Variants in FRMD6 observed in about 807,000 individuals in gnomAD.
FRMD6 encodes FERM domain-containing protein 6.
FRMD6 carries 37 observed loss-of-function variants against 73.2 expected under a neutral mutation model. The ratio of observed to expected loss-of-function variants is 0.51; its 90% CI spans 0.39 to 0.66. The LOEUF is 0.66. FRMD6 is among the 30% of genes least tolerant of loss of function. The pLI, the probability that FRMD6 is intolerant of heterozygous loss-of-function variation, is 0.00. For synonymous variants in FRMD6, 273 were observed against 282.2 expected, an observed-to-expected ratio of 0.97 and a Z score of 0.33; for missense variants, 714 against 780.5, an observed-to-expected ratio of 0.91 and a Z score of 1.02.
At chr14:51,472,466 G>A in the FRMD6 span, among the ~76,000 whole-genome samples, 1 of 152,016 alleles carries the variant, frequency 6.6e-6, no homozygotes, top group Non-Finnish European at 1.5e-5. Context: ...ACCACGCCTG[G>A]CTAATTTTTT....
intron 1 of FRMD6, among the ~76,000 whole-genome samples, chr14:51,569,457 T>G (rs1247860814): frequency 6.6e-6 from 1 of 151,984 alleles, no homozygotes; most frequent in African/African-American, 2.4e-5. Context: ...AACTCTGACA[T>G]TATTGTCACT....
At chr14:51,447,911 T>C in the FRMD6 span, among the ~76,000 whole-genome samples, 2 of 152,260 alleles carry the variant, frequency 1.3e-5, no homozygotes, top group Non-Finnish European at 2.9e-5. Context: ...TGACGTCATA[T>C]GATTCTAGCT....
chr14:51,701,824 C>G (rs1178213832), intron 4 of FRMD6, among the ~76,000 whole-genome samples: 1 of 151,694 alleles, frequency 6.6e-6, no homozygotes, highest in Non-Finnish European at 1.5e-5. Flanking sequence ...AATTGCTGTT[C>G]TAGAAGTTAT....
intron 2 of FRMD6, among the ~76,000 whole-genome samples, chr14:51,691,913 T>A (rs1016601533): frequency 6.6e-6 from 1 of 151,564 alleles, no homozygotes; most frequent in African/African-American, 2.4e-5. Flanking sequence ...ATATTTTTAA[T>A]CCAATTGCTA....
chr14:51,531,801 A>G (rs961099708), intron 1 of FRMD6, among the ~76,000 whole-genome samples: 6 of 152,222 alleles, frequency 3.9e-5, no homozygotes, highest in African/African-American at 9.6e-5. Flanking sequence ...ATGCCAATCA[A>G]TATTCATATC....
At chr14:51,577,075 T>C (rs957964884) in intron 2 of FRMD6, among the ~76,000 whole-genome samples, 1 of 152,204 alleles carries the variant, frequency 6.6e-6, no homozygotes, top group Non-Finnish European at 1.5e-5. Context: ...TTGTGTAACC[T>C]CTGGTGAAAT....
chr14:51,508,257 G>A (rs1288223433), intron 1 of FRMD6, among the ~76,000 whole-genome samples: 2 of 152,088 alleles, frequency 1.3e-5, no homozygotes, highest in Non-Finnish European at 2.9e-5. Flanking sequence ...CCCTCCTCTC[G>A]GCTGCCCATA....
chr14:51,700,104 T>A (rs1259848723), intron 3 of FRMD6, among the ~76,000 whole-genome samples: 2 of 151,972 alleles, frequency 1.3e-5, no homozygotes, highest in Non-Finnish European at 2.9e-5. Flanking sequence ...AGTGTGCACA[T>A]CTTTGGAGTA....
At chr14:51,637,226 A>G (rs1367860576) in intron 2 of FRMD6, 3 of 152,216 alleles carry the variant, frequency 2.0e-5, no homozygotes, top group African/African-American at 7.2e-5. Context: ...TGTCTCAAAA[A>G]AGAGAAAAAA....
intron 2 of FRMD6, among the ~76,000 whole-genome samples, chr14:51,596,005 C>T (rs1459332820): frequency 1.3e-5 from 2 of 152,238 alleles, no homozygotes; most frequent in African/African-American, 2.4e-5. Context: ...AAATCATAGC[C>T]ACCCGCTGTT....
intron 1 of FRMD6, among the ~76,000 whole-genome samples, chr14:51,672,280 C>G (rs1018757724): frequency 1.3e-5 from 2 of 152,132 alleles, no homozygotes; most frequent in Non-Finnish European, 2.9e-5. Context: ...GAAAGTTAGT[C>G]AAATCTTTAG....
At chr14:51,576,545 C>T (rs1456582259) in intron 2 of FRMD6, among the ~76,000 whole-genome samples, 1 of 152,114 alleles carries the variant, frequency 6.6e-6, no homozygotes, top group African/African-American at 2.4e-5. Context: ...CAATATGCGA[C>T]CTCCTTCTGT....
At chr14:51,686,633 A>T (rs1286811035) in intron 1 of FRMD6, among the ~76,000 whole-genome samples, 1 of 152,046 alleles carries the variant, frequency 6.6e-6, no homozygotes, top group East Asian at 1.9e-4. Context: ...TTCCCTGGAA[A>T]ATATGTTACT....
chr14:51,476,161 C>A, the FRMD6 span, among the ~76,000 whole-genome samples: 22,986 of 152,154 alleles, frequency 0.15, 2,250 homozygotes, highest in African/African-American at 0.24. Flanking sequence ...TTCGGAGACT[C>A]TGGCTCCCAG....
At chr14:51,465,867 C>T in the FRMD6 span, among the ~76,000 whole-genome samples, 1 of 151,968 alleles carries the variant, frequency 6.6e-6, no homozygotes, top group Non-Finnish European at 1.5e-5. Context: ...TTTAGCTTTT[C>T]AAGAAATAAT....
At chr14:51,653,298 T>C (rs1892564005) in intron 1 of FRMD6, among the ~76,000 whole-genome samples, 1 of 152,214 alleles carries the variant, frequency 6.6e-6, no homozygotes, top group Non-Finnish European at 1.5e-5. Context: ...CACGAAATAC[T>C]CCCTCTTGCC....
rs553729736 is a variant in FRMD6, at chr14:51,729,802, C to T, written c.*1773C>T. On this transcript the variant is annotated 3_prime_UTR_variant, in exon 14 of 14. Transcript: ENST00000344768. ...GGTCGCGGATGTGTAGGCAACATTG[C>T]CTTATCACGCTAGGTTCACCTGACA... is the stretch of plus-strand genomic sequence containing the variant. 1.3e-5 allele frequency: 2 copies of T among 152,714 alleles called. No homozygotes were observed. Among genetic ancestry groups the T allele is most frequent in the Admixed American group, 1.3e-4 (2 of 15,300 alleles). 9.5% of individuals were successfully genotyped at this position (152,714 alleles called of 1,614,324 possible).
chr14:51,710,829 G>A lies in FRMD6; in HGVS notation c.715-702G>A, dbSNP rs368690849. 9.9e-5 allele frequency among the ~76,000 whole-genome samples: 15 copies of A among 152,236 alleles called. No individual in the cohort carries two copies. In the East Asian group the frequency reaches 2.3e-3, roughly 23 times the overall value. On this transcript the variant is annotated intron_variant, in intron 7 of 13. Transcript: ENST00000344768. Reference sequence around the variant, plus strand: ...TTAAAGGATGTGGCTGAATTTTAAAGTGAATTTTTAATTGTGGAGGTTTTT... The same window carrying A: ...TTAAAGGATGTGGCTGAATTTTAAAATGAATTTTTAATTGTGGAGGTTTTT...
intron 2 of FRMD6, among the ~76,000 whole-genome samples, chr14:51,597,382 G>T (rs370687668): frequency 6.6e-6 from 1 of 152,188 alleles, no homozygotes; most frequent in East Asian, 1.9e-4. Context: ...GACAGCATCC[G>T]CCCTTCATTT....
Sources: allele counts gnomAD v4.1 joint callset (sites outside exome capture counted in the v4.1 genomes callset), GRCh38; gene constraint gnomAD v4.1.1; transcripts MANE v1.5; gene names NCBI Gene and HGNC (gene_info 2026-07-23, HGNC 2026-07-21).